Variants in DGKD observed in about 807,000 individuals in gnomAD.
The protein encoded by DGKD is diacylglycerol kinase delta.
DGKD carries 68 observed loss-of-function variants against 154.4 expected under a neutral mutation model. The ratio of observed to expected loss-of-function variants is 0.44; its 90% confidence interval spans 0.36 to 0.54. The LOEUF (loss-of-function observed/expected upper bound fraction) is 0.54, where lower values mean the gene tolerates loss of function less well. Ranked by LOEUF, DGKD falls within the 20% of genes least tolerant of loss-of-function variation. DGKD has a pLI of 0.00. For missense variants in DGKD, 1,343 were observed against 1,593.6 expected (o/e 0.84, Z 2.68); for synonymous variants, 693 against 638.0 (o/e 1.09, Z -1.30).
intron 18 of DGKD, chr2:233,454,324 T>C: frequency 2.2e-6 from 1 of 462,974 alleles, no homozygotes; most frequent in South Asian, 1.6e-5. Context: ...TGTTATAACA[T>C]GGATGAACTT....
Position 233,464,172 on chromosome 2 carries a change from T to A in DGKD, c.3195T>A (p.Asp1065Glu), listed in dbSNP as rs751404739. Residue 1065 changes from aspartate to glutamate, a missense_variant, in exon 27 of 30, where the codon GAT becomes GAA. This residue lies in a region of DGKD where 429 missense variants were observed against 496.3 expected (regional missense o/e 0.86). Transcript: ENST00000264057. ...LLSGKMALQL[D>E]PPQKEQLGSA... ...CCCTCCGCCTGGAGCAGCAGCTGGA[T>A]CCGCCTCAGAAGGAGCAGCTGGGGA... The A allele has an allele frequency of 1.2e-6, 2 of 1,613,444 alleles. No individual in the cohort carries two copies. Among genetic ancestry groups the A allele is most frequent in the Non-Finnish European group, 1.7e-6 (2 of 1,180,032 alleles).
At chr2:233,391,707 G>C (rs990070757) in intron 3 of DGKD, among the ~76,000 whole-genome samples, 2 of 152,102 alleles carry the variant, frequency 1.3e-5, no homozygotes, top group African/African-American at 4.8e-5. Context: ...TCAAGTTTAG[G>C]ATCTGATATT....
rs1235839444 is a variant in DGKD, at chr2:233,441,384, C to T, written c.1086-503C>T. On this transcript the variant is annotated intron_variant, in intron 9 of 29. Transcript: ENST00000264057. The surrounding 1 kb of genome is among the most constrained non-coding windows in gnomAD (Gnocchi z 5.6). ...AGGGTGACCAGAACAAGGGCCAGGG[C>T]GGAAGCCAGACTGTGGCCCAGGGCC... Among the ~76,000 whole-genome samples, 3 of 152,128 alleles carry T rather than the reference C, an allele frequency of 2.0e-5. No individual in the cohort carries two copies. Among genetic ancestry groups the T allele is most frequent in the Admixed American group, 6.5e-5 (1 of 15,280 alleles).
At position 233,468,427 on chromosome 2, in the gene DGKD, C is replaced by T. The variant is rs191441594; in HGVS notation, c.3429C>T (p.His1143=). The T allele has an allele frequency of 6.1e-5, 98 of 1,613,220 alleles. 1 individual carries two copies. In the East Asian group the frequency reaches 2.0e-3, roughly 33 times the overall value. The change falls in exon 29 of 30, where the codon CAC becomes CAT. Residue 1143 remains histidine, a synonymous_variant. Coordinates refer to ENST00000264057, the MANE Select transcript of DGKD (RefSeq NM_152879.3). The part of the protein sequence containing the change: ...EAHSSLGAPV[H]LWGTEEVAAW... The stretch of plus-strand genomic sequence containing the variant: ...GTGCTTTTCCATCTCCGACAGTTCA[C>T]CTCTGGGGGACAGAGGAGGTTGCTG...
chr2:233,401,128 G>A (rs1240936055), intron 3 of DGKD, among the ~76,000 whole-genome samples: 1 of 151,830 alleles, frequency 6.6e-6, no homozygotes, highest in South Asian at 2.1e-4. Context: ...CTTCTTCCAA[G>A]CAGATGACTG....
intron 3 of DGKD, 38 bp from the exon 4 acceptor site, chr2:233,434,342 T>G: frequency 6.4e-7 from 1 of 1,556,154 alleles, no homozygotes; most frequent in Non-Finnish European, 8.8e-7. Flanking sequence ...GCACTTGCCT[T>G]TTGTTCATGG....
chr2:233,380,874 G>A (rs1219334550), intron 1 of DGKD, among the ~76,000 whole-genome samples: 2 of 152,136 alleles, frequency 1.3e-5, no homozygotes, highest in Non-Finnish European at 2.9e-5. Flanking sequence ...CAGGAATGAG[G>A]TGTCTCTCCT....
intron 1 of DGKD, among the ~76,000 whole-genome samples, chr2:233,355,285 A>G (rs936899924): frequency 2.0e-5 from 3 of 152,034 alleles, no homozygotes; most frequent in Non-Finnish European, 4.4e-5. Context: ...TTGGCACCCA[A>G]CTCTCCACGG....
intron 16 of DGKD, 27 bp downstream of exon 16, chr2:233,450,158 G>A (rs183764637): frequency 5.8e-4 from 912 of 1,584,546 alleles, no homozygotes; most frequent in Non-Finnish European, 6.6e-4. Context: ...CTCCCTCTGC[G>A]CACCGTCGTG....
intron 2 of DGKD, among the ~76,000 whole-genome samples, chr2:233,389,182 GCTT>G (rs1703409848): frequency 6.6e-6 from 1 of 152,230 alleles, no homozygotes; most frequent in Admixed American, 6.5e-5. Context: ...AAGGAGCTGA[GCTT>G]CTTGATGTGT....
At chr2:233,359,323 A>G (rs1701672515) in intron 1 of DGKD, among the ~76,000 whole-genome samples, 1 of 152,240 alleles carries the variant, frequency 6.6e-6, no homozygotes, top group African/African-American at 2.4e-5. Context: ...CCTGAGTCTC[A>G]GTTTCCATGT....
intron 16 of DGKD, among the ~76,000 whole-genome samples, chr2:233,450,339 C>T (rs2063233403): frequency 6.6e-6 from 1 of 152,154 alleles, no homozygotes; most frequent in South Asian, 2.1e-4. Context: ...TGGTGGACAG[C>T]AGTAGAACCC....
chr2:233,431,304 A>T (rs1311941771), intron 3 of DGKD, among the ~76,000 whole-genome samples: 1 of 152,214 alleles, frequency 6.6e-6, no homozygotes, highest in Non-Finnish European at 1.5e-5. Flanking sequence ...ACTACAAAAC[A>T]TTGATGCAAG....
intron 26 of DGKD, 70 bp downstream of exon 26, chr2:233,462,805 G>GTGT: frequency 7.6e-7 from 1 of 1,320,510 alleles, no homozygotes; most frequent in Non-Finnish European, 1.1e-6. Flanking sequence ...CAGGTTGCTG[G>GTGT]GCACACAGGG....
At chr2:233,373,070 G>A (rs1203503197) in intron 1 of DGKD, among the ~76,000 whole-genome samples, 4 of 152,166 alleles carry the variant, frequency 2.6e-5, no homozygotes, top group South Asian at 2.1e-4. Context: ...CTCTGTGCGC[G>A]TGCTGTCCCA....
rs1000781489 is a variant in DGKD at position 233,459,550 on chromosome 2, G to A, written c.2695-207G>A. 2.0e-5 allele frequency among the ~76,000 whole-genome samples: 3 copies of A among 152,056 alleles called. No individual in the cohort carries two copies. The highest frequency in any genetic ancestry group is 2.9e-5 in the Non-Finnish European group (2 of 68,004). On this transcript the variant is annotated intron_variant, in intron 22 of 29. Coordinates refer to ENST00000264057, the MANE Select transcript of DGKD (RefSeq NM_152879.3). The surrounding 1 kb of genome is among the most constrained non-coding windows in gnomAD (Gnocchi z 5.7). ...GTGAGGGGATGGGGCGGGATGGGGC[G>A]GGACAGTGGGAGAACAGACCCTCGG...
chr2:233,365,980 G>A (rs191308469), intron 1 of DGKD, among the ~76,000 whole-genome samples: 10 of 152,290 alleles, frequency 6.6e-5, no homozygotes, highest in Admixed American at 6.5e-4. Flanking sequence ...AGGAAATAGA[G>A]TATTTTTTTA....
At chr2:233,375,477 A>G (rs2125406935) in intron 1 of DGKD, among the ~76,000 whole-genome samples, 1 of 152,278 alleles carries the variant, frequency 6.6e-6, no homozygotes, top group East Asian at 1.9e-4. Context: ...CAAATGTCAG[A>G]AAACAGGTGA....
intron 1 of DGKD, among the ~76,000 whole-genome samples, chr2:233,386,647 G>A (rs1703198381): frequency 6.6e-6 from 1 of 152,062 alleles, no homozygotes; most frequent in Non-Finnish European, 1.5e-5. Flanking sequence ...TTCCTTCCTG[G>A]CACTCTTTAA....
Sources: allele counts gnomAD v4.1 joint callset (sites outside exome capture counted in the v4.1 genomes callset), GRCh38; gene constraint gnomAD v4.1.1; regional missense constraint gnomAD v4.1.1; non-coding constraint Gnocchi (gnomAD v3.1); transcripts MANE v1.5; gene names NCBI Gene and HGNC (gene_info 2026-07-23, HGNC 2026-07-21).